ATXN7L1: variants seen among roughly 807,000 people sequenced by gnomAD.
ATXN7L1 encodes ataxin-7-like protein 1.
Under a neutral mutation model 70.8 loss-of-function variants are expected in ATXN7L1, and 15 were observed. The ratio of observed to expected loss-of-function variants is 0.21; its 90% CI spans 0.14 to 0.33. The LOEUF (loss-of-function observed/expected upper bound fraction) is 0.33. Ranked by LOEUF, ATXN7L1 falls within the 10% of genes least tolerant of loss-of-function variation. The pLI, the probability that ATXN7L1 is intolerant of heterozygous loss-of-function variation, is 1.00. For missense variants in ATXN7L1, 975 were observed against 1,097.1 expected (o/e 0.89, Z 1.57); for synonymous variants, 440 against 445.1 (o/e 0.99, Z 0.14).
chr7:105,810,672 A>G (rs1808303085), intron 2 of ATXN7L1, among the ~76,000 whole-genome samples: 1 of 152,228 alleles, frequency 6.6e-6, no homozygotes, highest in Non-Finnish European at 1.5e-5. Context: ...GAGAGCAAAG[A>G]AGCCAGCCTG....
intron 3 of ATXN7L1, among the ~76,000 whole-genome samples, chr7:105,677,510 T>G (rs1315751712): frequency 6.6e-6 from 1 of 152,224 alleles, no homozygotes; most frequent in Non-Finnish European, 1.5e-5. Flanking sequence ...TCCTGTTTAC[T>G]CTTTTATCTC....
At chr7:105,710,501 A>T (rs925228933) in intron 3 of ATXN7L1, among the ~76,000 whole-genome samples, 6 of 141,452 alleles carry the variant, frequency 4.2e-5, no homozygotes, top group Non-Finnish European at 7.6e-5. Context: ...TCCGCCTCCC[A>T]GGTTCATGCC....
chr7:105,751,355 C>T (rs547666120), intron 3 of ATXN7L1, among the ~76,000 whole-genome samples: 1 of 152,302 alleles, frequency 6.6e-6, no homozygotes, highest in Non-Finnish European at 1.5e-5. Context: ...TCAGAAATGA[C>T]ATTCCCAGCA....
intron 4 of ATXN7L1, among the ~76,000 whole-genome samples, chr7:105,653,578 G>A (rs1562956415): frequency 6.6e-6 from 1 of 152,346 alleles, no homozygotes; most frequent in East Asian, 1.9e-4. Flanking sequence ...TTAAACAGCT[G>A]TTAAAAGGTC....
intron 2 of ATXN7L1, among the ~76,000 whole-genome samples, chr7:105,815,111 C>G (rs1451290472): frequency 1.3e-5 from 2 of 152,188 alleles, no homozygotes; most frequent in African/African-American, 4.8e-5. Context: ...TGAAATCACT[C>G]TTACACGTAT....
At chr7:105,791,097 A>G (rs1805160998) in intron 2 of ATXN7L1, among the ~76,000 whole-genome samples, 1 of 152,242 alleles carries the variant, frequency 6.6e-6, no homozygotes, top group African/African-American at 2.4e-5. Context: ...CAGGTTTATC[A>G]TAGGCAAGGG....
At chr7:105,675,561 G>T (rs1804506651) in intron 3 of ATXN7L1, among the ~76,000 whole-genome samples, 1 of 151,868 alleles carries the variant, frequency 6.6e-6, no homozygotes, top group Non-Finnish European at 1.5e-5. Context: ...GGAGGCAGAG[G>T]TTGCAGTGAC....
At position 105,864,602 on chromosome 7, in the gene ATXN7L1, T is replaced by C. The variant is rs193300999; in HGVS notation, c.250+11210A>G. 7.6e-4 allele frequency among the ~76,000 whole-genome samples: 115 copies of C among 151,678 alleles called. 1 individual carries two copies. In the Middle Eastern group the frequency reaches 0.024, roughly 32 times the overall value. On this transcript the variant is annotated intron_variant, in intron 2 of 11. Transcript: ENST00000419735. Reference sequence around the variant, plus strand: ...AGCAGGGTCTCCAGAATGAACACACTTTGCAAAACATTGAAACAGATTCAT... The same window carrying C: ...AGCAGGGTCTCCAGAATGAACACACCTTGCAAAACATTGAAACAGATTCAT...
chr7:105,775,899 T>C (rs547052218), intron 3 of ATXN7L1, among the ~76,000 whole-genome samples: 1 of 152,272 alleles, frequency 6.6e-6, no homozygotes, highest in East Asian at 1.9e-4. Flanking sequence ...GGCGCTTTAA[T>C]GTGCTAATAG....
intron 2 of ATXN7L1, among the ~76,000 whole-genome samples, chr7:105,820,261 A>T (rs1201774258): frequency 6.6e-6 from 1 of 152,118 alleles, no homozygotes; most frequent in East Asian, 1.9e-4. Context: ...AAATCATCAA[A>T]GTGTACCTAT....
chr7:105,686,260 A>G (rs1716881849), intron 3 of ATXN7L1, among the ~76,000 whole-genome samples: 1 of 152,242 alleles, frequency 6.6e-6, no homozygotes, highest in South Asian at 2.1e-4. Context: ...TCATGCCTGT[A>G]ATCCCAGCAC....
chr7:105,664,588 T>TATATATATATATATATATATATATATATA (rs1388359970), intron 4 of ATXN7L1, among the ~76,000 whole-genome samples: 3 of 147,706 alleles, frequency 2.0e-5, no homozygotes, highest in East Asian at 2.0e-4. Context: ...TATATATATA[T>TATATATATATATATATATATATATATATA]TTGAGACAGA....
At chr7:105,776,356 C>T (rs1802721545) in intron 3 of ATXN7L1, among the ~76,000 whole-genome samples, 1 of 152,176 alleles carries the variant, frequency 6.6e-6, no homozygotes, top group Non-Finnish European at 1.5e-5. Flanking sequence ...GCAGCCATGT[C>T]TTCCAAATGA....
chr7:105,720,393 C>G (rs1795052258), intron 3 of ATXN7L1, among the ~76,000 whole-genome samples: 2 of 152,088 alleles, frequency 1.3e-5, no homozygotes, highest in South Asian at 4.1e-4. Flanking sequence ...CAAAACCTGC[C>G]TCTTGCCTAG....
Position 105,772,419 on chromosome 7 carries a change from A to G in ATXN7L1, c.355+16185T>C, listed in dbSNP as rs959802542. On this transcript the variant is annotated intron_variant, in intron 3 of 11. Transcript: ENST00000419735. ...CCAGCGATATACTGCTTTACAAGAG[A>G]GACACCTAAAACAAAATGACACAGA... Among the ~76,000 whole-genome samples the G allele has an allele frequency of 7.2e-5, 11 of 152,184 alleles. 1 individual carries two copies. Among genetic ancestry groups the G allele is most frequent in the South Asian group, 4.1e-4 (2 of 4,828 alleles).
intron 2 of ATXN7L1, among the ~76,000 whole-genome samples, chr7:105,871,702 T>C (rs1229858302): frequency 8.1e-5 from 11 of 135,548 alleles, no homozygotes; most frequent in East Asian, 7.2e-4. Flanking sequence ...AAGAGCGAGA[T>C]TCTGTCTCAA....
Position 105,614,694 on chromosome 7 carries a change from G to C in ATXN7L1, c.1640C>G (p.Pro547Arg). ...NPSAVYLPSAPISSRLTSSYI... is the reference protein window; with the variant it reads ...NPSAVYLPSARISSRLTSSYI... The stretch of plus-strand genomic sequence containing the variant: ...AGAAGAGGTGAGCCTCGAGCTGATG[G>C]GAGCTGAAGGAAGATACACAGCACT... The change falls in exon 10 of 12, where the codon CCC (proline) becomes CGC (arginine). Residue 547 changes from proline (P) to arginine (R), a missense_variant. Pro to Arg is a moderately radical substitution (Grantham distance 103). Coordinates refer to ENST00000419735, the MANE Select transcript of ATXN7L1 (RefSeq NM_020725.2). The surrounding 1 kb of genome is among the most constrained non-coding windows in gnomAD (Gnocchi z 4.3). 6.4e-7 allele frequency: 1 copy of C among 1,551,742 alleles called. No homozygotes were observed. The highest frequency in any genetic ancestry group is 8.7e-7 in the Non-Finnish European group (1 of 1,147,014).
At chr7:105,706,138 T>C (rs1199215951) in intron 3 of ATXN7L1, among the ~76,000 whole-genome samples, 1 of 152,212 alleles carries the variant, frequency 6.6e-6, no homozygotes, top group African/African-American at 2.4e-5. Flanking sequence ...TCTTAGCCAC[T>C]GTGCTTATTT....
At chr7:105,744,757 A>G (rs1330857825) in intron 3 of ATXN7L1, among the ~76,000 whole-genome samples, 1 of 50,466 alleles carries the variant, frequency 2.0e-5, no homozygotes, top group East Asian at 1.2e-3. Flanking sequence ...TTTTTTTTTT[A>G]GATGGAGTCT....
Sources: gnomAD v4.1 joint callset for allele counts (sites outside exome capture counted in the v4.1 genomes callset) on GRCh38, gnomAD v4.1.1 for gene constraint, Gnocchi (gnomAD v3.1) non-coding constraint, MANE v1.5 for transcripts, NCBI Gene and HGNC (gene_info 2026-07-23, HGNC 2026-07-21) for gene names.